DNAJC11: variants seen among roughly 807,000 people sequenced by gnomAD.
DNAJC11 encodes DnaJ heat shock protein family (Hsp40) member C11, also known as dnaJ homolog subfamily C member 11.
DNAJC11 carries 15 observed loss-of-function variants against 78.6 expected under a neutral mutation model. The observed-to-expected ratio is 0.19, with a 90% CI of 0.13 to 0.29. DNAJC11 has a LOEUF of 0.29. Among genes scored for constraint, DNAJC11 ranks in the 10% least tolerant of loss-of-function variants. DNAJC11 has a pLI of 1.00. For synonymous variants in DNAJC11, 292 were observed against 272.1 expected, an observed-to-expected ratio of 1.07 and a Z score of -0.72; for missense variants, 547 against 709.6, an observed-to-expected ratio of 0.77 and a Z score of 2.60.
At chr1:6,655,018 C>T (rs567830776) in intron 4 of DNAJC11, among the ~76,000 whole-genome samples, 255 of 152,230 alleles carry the variant, frequency 1.7e-3, no homozygotes, top group African/African-American at 5.4e-3. Flanking sequence ...AGGATGGTCT[C>T]GATCTCTTGA....
Position 6,635,474 on chromosome 1 carries a change from T to C in DNAJC11, c.*201A>G. The C allele has an allele frequency of 3.5e-6, 2 of 573,166 alleles. No individual in the cohort carries two copies. Among genetic ancestry groups the C allele is most frequent in the Non-Finnish European group, 6.1e-6 (2 of 325,260 alleles). 35.5% of individuals were successfully genotyped at this position (573,166 alleles called of 1,614,324 possible). Reference sequence around the variant, plus strand: ...GGCCAGGCTGCAGTCTGGTTCCCAGTGGGGCTGCCTCAGTCCTACCCCCAG... The same window carrying C: ...GGCCAGGCTGCAGTCTGGTTCCCAGCGGGGCTGCCTCAGTCCTACCCCCAG... On this transcript the variant is annotated 3_prime_UTR_variant, in exon 16 of 16. Coordinates refer to ENST00000377577, the MANE Select transcript of DNAJC11 (RefSeq NM_018198.4).
At chr1:6,666,390 T>TC (rs56869714) in intron 4 of DNAJC11, among the ~76,000 whole-genome samples, 37,039 of 107,114 alleles carry the variant, frequency 0.35, 5,473 homozygotes, top group Non-Finnish European at 0.43. Context: ...CTTTTCTTTT[T>TC]TTTTTTTTTT....
chr1:6,690,109 A>G (rs1333878458), intron 1 of DNAJC11, among the ~76,000 whole-genome samples: 1 of 152,220 alleles, frequency 6.6e-6, no homozygotes, highest in African/African-American at 2.4e-5. Context: ...CCCTAACCCG[A>G]AAGATTGTTA....
intron 10 of DNAJC11, among the ~76,000 whole-genome samples, chr1:6,643,451 AT>A (rs1255934444): frequency 7.9e-5 from 12 of 151,658 alleles, no homozygotes; most frequent in Non-Finnish European, 1.5e-4. Flanking sequence ...AATTTTTTGT[AT>A]TTTTAGTAGA....
intron 3 of DNAJC11, among the ~76,000 whole-genome samples, chr1:6,669,265 T>C (rs781119465): frequency 1.4e-4 from 21 of 151,684 alleles, no homozygotes; most frequent in Non-Finnish European, 2.6e-4. Flanking sequence ...ATCCCAGCAC[T>C]TTGGGAGGCC....
Position 6,640,069 on chromosome 1 carries a change from T to TAAAAA in DNAJC11, c.1098-13_1098-12insTTTTT. On this transcript the variant is annotated splice_polypyrimidine_tract_variant and intron_variant, in intron 10 of 15. Coordinates refer to ENST00000377577, the MANE Select transcript of DNAJC11 (RefSeq NM_018198.4). ...TGGCCCTGTTGAGCCTGGGGAAAAA[T>TAAAAA]ACAAAAAAAAAAAAAAAAAAGCCAA... 1.2e-6 allele frequency: 1 copy of TAAAAA among 862,746 alleles called. No homozygotes were observed. The highest frequency in any genetic ancestry group is 4.0e-5 in the African/African-American group (1 of 25,136). 53.4% of individuals were successfully genotyped at this position (862,746 alleles called of 1,614,324 possible).
chr1:6,686,794 TTAA>T (rs745959205), intron 1 of DNAJC11, among the ~76,000 whole-genome samples: 1 of 152,252 alleles, frequency 6.6e-6, no homozygotes, highest in Non-Finnish European at 1.5e-5. Context: ...AAATAACAAC[TTAA>T]TAACACCTCA....
At chr1:6,656,941 T>A (rs1408863342) in intron 4 of DNAJC11, among the ~76,000 whole-genome samples, 10 of 151,888 alleles carry the variant, frequency 6.6e-5, no homozygotes, top group Non-Finnish European at 1.5e-4. Flanking sequence ...TTGCTAAATA[T>A]AAATGCAACT....
chr1:6,638,195 G>A, intron 12 of DNAJC11, 100 bp downstream of exon 12: 1 of 1,196,702 alleles, frequency 8.4e-7, no homozygotes, highest in South Asian at 1.6e-5. Context: ...CCAAGTTGTT[G>A]GAGAAGAGAA....
At chr1:6,667,338 T>C (rs1337490918) in intron 4 of DNAJC11, among the ~76,000 whole-genome samples, 1 of 152,192 alleles carries the variant, frequency 6.6e-6, no homozygotes, top group Non-Finnish European at 1.5e-5. Flanking sequence ...TCCTCTGCCC[T>C]GCCTGCCTCT....
chr1:6,701,085 C>G (rs1026380952), intron 1 of DNAJC11, among the ~76,000 whole-genome samples: 1 of 152,186 alleles, frequency 6.6e-6, no homozygotes, highest in African/African-American at 2.4e-5. Flanking sequence ...CACCACTTTT[C>G]TGGCCTAGGG....
chr1:6,691,763 C>T (rs182437383), intron 1 of DNAJC11, among the ~76,000 whole-genome samples: 56 of 152,330 alleles, frequency 3.7e-4, no homozygotes, highest in African/African-American at 1.3e-3. Flanking sequence ...GTCAGATTTT[C>T]ATCTCGAAGG....
chr1:6,644,693 G>T lies in DNAJC11; in HGVS notation c.981-19C>A. 6.3e-7 allele frequency: 1 copy of T among 1,593,936 alleles called. No individual in the cohort carries two copies. The highest frequency in any genetic ancestry group is 8.6e-7 in the Non-Finnish European group (1 of 1,161,562). ...GCCTGCTCTGCAGGGAGAGAACGCG[G>T]TCTGTGCCTGTGCCCCTCATTCATC... On this transcript the variant is annotated intron_variant, in intron 9 of 15. Coordinates refer to ENST00000377577, the MANE Select transcript of DNAJC11 (RefSeq NM_018198.4).
At chr1:6,687,244 A>G (rs1342925498) in intron 1 of DNAJC11, among the ~76,000 whole-genome samples, 1 of 152,110 alleles carries the variant, frequency 6.6e-6, no homozygotes, top group Non-Finnish European at 1.5e-5. Flanking sequence ...CTTACTTATC[A>G]GGCATTAAAA....
At chr1:6,683,748 T>A (rs566100886) in intron 1 of DNAJC11, among the ~76,000 whole-genome samples, 1 of 152,300 alleles carries the variant, frequency 6.6e-6, no homozygotes, top group African/African-American at 2.4e-5. Context: ...CATGAAGCAG[T>A]CCTGCTTGTG....
chr1:6,701,642 C>A, intron 1 of DNAJC11, 87 bp downstream of exon 1: 1 of 1,367,026 alleles, frequency 7.3e-7, no homozygotes, highest in Non-Finnish European at 9.7e-7. Context: ...CCTCCCGTGG[C>A]GGGGGTGGGG....
At position 6,634,667 on chromosome 1, in the gene DNAJC11, G is replaced by T. The variant is rs778503586; in HGVS notation, c.*1008C>A. On this transcript the variant is annotated 3_prime_UTR_variant, in exon 16 of 16. Coordinates refer to ENST00000377577, the MANE Select transcript of DNAJC11 (RefSeq NM_018198.4). ...CCGTGGAGGGGGTCCTAGCTCCGCT[G>T]CATTCTGCATCCCAAGTGGGCACGT... is the stretch of plus-strand genomic sequence containing the variant. 1 of 1,366,392 alleles carries T rather than the reference G, an allele frequency of 7.3e-7. No homozygotes were observed. The highest frequency in any genetic ancestry group is 1.9e-5 in the Admixed American group (1 of 52,558). 84.6% of individuals were successfully genotyped at this position (1,366,392 alleles called of 1,614,324 possible).
intron 1 of DNAJC11, among the ~76,000 whole-genome samples, chr1:6,682,268 T>A (rs1426147415): frequency 2.0e-5 from 3 of 148,724 alleles, no homozygotes; most frequent in African/African-American, 7.5e-5. Flanking sequence ...GCAAAAAAAA[T>A]ACAATTTTAC....
chr1:6,695,160 AAATT>A (rs1394603042), intron 1 of DNAJC11, among the ~76,000 whole-genome samples: 14 of 94,152 alleles, frequency 1.5e-4, no homozygotes, highest in African/African-American at 3.9e-4. Context: ...AAAAAAAAAA[AAATT>A]TTTTTTTTTA....
Sources: gnomAD v4.1 joint callset for allele counts (sites outside exome capture counted in the v4.1 genomes callset) on GRCh38, gnomAD v4.1.1 for gene constraint, MANE v1.5 for transcripts, NCBI Gene and HGNC (gene_info 2026-07-23, HGNC 2026-07-21) for gene names.